The following PSD3 variants were observed in gnomAD, a reference collection of about 807,000 sequenced individuals.
The protein encoded by PSD3 is PH and SEC7 domain-containing protein 3.
Under a neutral mutation model 105.5 loss-of-function variants are expected in PSD3, and 49 were observed. That is an observed-to-expected ratio of 0.46 (90% CI 0.37 to 0.59). The LOEUF is 0.59. PSD3 is among the 20% of genes least tolerant of loss of function. The probability of loss-of-function intolerance (pLI) is 0.00; values close to 1 mark genes in which losing one functional copy is unlikely to be tolerated. For synonymous variants in PSD3, 557 were observed against 457.8 expected (o/e 1.22, Z -2.77); for missense variants, 1,561 against 1,263.8 (o/e 1.24, Z -3.57).
At chr8:18,751,577 GCCA>G (rs1805493299) in intron 9 of PSD3, among the ~76,000 whole-genome samples, 1 of 150,358 alleles carries the variant, frequency 6.7e-6, no homozygotes, top group South Asian at 2.1e-4. Context: ...ACCCGGAGGC[GCCA>G]CCACTAGTCA....
rs1461724775 is a variant in PSD3, at chr8:18,929,259, A to T, written c.130+6775T>A. ...ATAAATTCACAACAGTGCTAAAAAA[A>T]AAAAGAGTATAACCATAGACAAAAT... On this transcript the variant is annotated intron_variant, in intron 2 of 15. Coordinates refer to ENST00000327040, the MANE Select transcript of PSD3 (RefSeq NM_015310.4). Among the ~76,000 whole-genome samples the T allele has an allele frequency of 2.6e-5, 4 of 152,306 alleles. No individual in the cohort carries two copies. In the East Asian group the frequency reaches 7.7e-4, roughly 29 times the overall value.
At chr8:18,919,468 T>C (rs1820846948) in intron 2 of PSD3, among the ~76,000 whole-genome samples, 1 of 152,062 alleles carries the variant, frequency 6.6e-6, no homozygotes, top group East Asian at 1.9e-4. Flanking sequence ...CAATACTAGA[T>C]TTCTGAGTCA....
At chr8:18,754,684 A>G (rs1275033314) in intron 9 of PSD3, among the ~76,000 whole-genome samples, 2 of 152,154 alleles carry the variant, frequency 1.3e-5, no homozygotes, top group Non-Finnish European at 2.9e-5. Context: ...GTCAGTTATT[A>G]ATACATGGAC....
intron 11 of PSD3, among the ~76,000 whole-genome samples, chr8:18,613,343 G>A (rs909272533): frequency 6.6e-6 from 1 of 152,126 alleles, no homozygotes; most frequent in Non-Finnish European, 1.5e-5. Flanking sequence ...ACTGTTTGCA[G>A]GGGGGAGGAG....
chr8:18,584,412 T>C (rs1384275063), intron 12 of PSD3, among the ~76,000 whole-genome samples: 1 of 152,218 alleles, frequency 6.6e-6, no homozygotes, highest in Non-Finnish European at 1.5e-5. Flanking sequence ...TGTTCATATT[T>C]ACTTAAGAAG....
chr8:18,854,418 G>A (rs1815839969), intron 4 of PSD3: 2 of 152,390 alleles, frequency 1.3e-5, no homozygotes, highest in Middle Eastern at 3.4e-3. Context: ...AGTCACTCAT[G>A]ACCTCACAAA....
intron 12 of PSD3, among the ~76,000 whole-genome samples, chr8:18,596,632 G>A (rs1371649516): frequency 6.6e-6 from 1 of 151,880 alleles, no homozygotes; most frequent in Non-Finnish European, 1.5e-5. Flanking sequence ...AATCAGAAAT[G>A]AAACAGGAGG....
chr8:18,602,102 T>A (rs1184409982), intron 11 of PSD3, among the ~76,000 whole-genome samples: 2 of 152,196 alleles, frequency 1.3e-5, no homozygotes, highest in Non-Finnish European at 1.5e-5. Context: ...GAAAATATTT[T>A]TGTTTTTAAC....
At chr8:19,021,813 C>G (rs1355273080) in intron 1 of PSD3, among the ~76,000 whole-genome samples, 2 of 152,204 alleles carry the variant, frequency 1.3e-5, no homozygotes, top group Non-Finnish European at 2.9e-5. Context: ...AGTCCTTAGT[C>G]TAAACTTGAC....
intron 1 of PSD3, among the ~76,000 whole-genome samples, chr8:19,005,962 C>T (rs1826657862): frequency 6.6e-6 from 1 of 151,870 alleles, no homozygotes; most frequent in African/African-American, 2.4e-5. Flanking sequence ...TCTCCATGAG[C>T]CTCAATTTCA....
intron 10 of PSD3, among the ~76,000 whole-genome samples, chr8:18,646,126 A>G (rs2130815731): frequency 6.6e-6 from 1 of 152,304 alleles, no homozygotes; most frequent in East Asian, 1.9e-4. Flanking sequence ...CAAGAGGCAC[A>G]ATAGCAACTT....
intron 6 of PSD3, among the ~76,000 whole-genome samples, chr8:18,803,474 T>G (rs962138995): frequency 1.3e-5 from 2 of 149,590 alleles, no homozygotes; most frequent in African/African-American, 5.0e-5. Flanking sequence ...GAAAACAGGG[T>G]CTTGAAGAAA....
At chr8:18,836,749 C>T (rs138718655) in intron 4 of PSD3, among the ~76,000 whole-genome samples, 9 of 152,044 alleles carry the variant, frequency 5.9e-5, no homozygotes, top group Non-Finnish European at 8.8e-5. Context: ...AATGCAAATG[C>T]TATGACAATA....
At chr8:18,740,711 C>A (rs1045841501) in intron 9 of PSD3, among the ~76,000 whole-genome samples, 3 of 152,120 alleles carry the variant, frequency 2.0e-5, no homozygotes, top group African/African-American at 7.2e-5. Flanking sequence ...GTACTTAAAT[C>A]CCAAAAGTCA....
chr8:19,059,165 C>A (rs1024438284), intron 1 of PSD3, among the ~76,000 whole-genome samples: 1 of 152,156 alleles, frequency 6.6e-6, no homozygotes, highest in Non-Finnish European at 1.5e-5. Flanking sequence ...TCTAAGTCAT[C>A]GGAAAGTCTC....
At chr8:18,790,597 T>C (rs552613568) in intron 8 of PSD3, among the ~76,000 whole-genome samples, 4 of 152,194 alleles carry the variant, frequency 2.6e-5, no homozygotes, top group South Asian at 4.2e-4. Context: ...CCACTACGCC[T>C]GGCCAACATT....
intron 1 of PSD3, among the ~76,000 whole-genome samples, chr8:18,995,197 C>T (rs1307507297): frequency 6.6e-6 from 1 of 152,138 alleles, no homozygotes; most frequent in African/African-American, 2.4e-5. Context: ...TTGCCTATAG[C>T]TCCAAAGCAT....
Position 18,869,190 on chromosome 8 carries a change from CT to C in PSD3, c.1239-1122del, listed in dbSNP as rs10648699. 4.7e-3 allele frequency among the ~76,000 whole-genome samples: 562 copies of C among 119,744 alleles called. 5 individuals carry two copies. Among genetic ancestry groups the C allele is most frequent in the African/African-American group, 0.011 (354 of 30,996 alleles). 78.6% of individuals were successfully genotyped at this position (119,744 alleles called of 152,430 possible). A position where few individuals can be genotyped will look rare whatever the true frequency, so the allele number is the denominator to read the frequency against. On this transcript the variant is annotated intron_variant, in intron 3 of 15. Transcript: ENST00000327040. ...ACTCACTGCACCCCACTCTCCCCTG[CT>C]TTTTTTTTTTTTTTTTGAGATGCAG...
intron 2 of PSD3, among the ~76,000 whole-genome samples, chr8:18,905,410 A>G (rs570284271): frequency 3.0e-4 from 45 of 151,998 alleles, no homozygotes; most frequent in African/African-American, 1.1e-3. Context: ...TGTAACCTCC[A>G]CCTCCCAGGT....
Sources: allele counts gnomAD v4.1 joint callset (sites outside exome capture counted in the v4.1 genomes callset), GRCh38; gene constraint gnomAD v4.1.1; transcripts MANE v1.5; gene names NCBI Gene and HGNC (gene_info 2026-07-23, HGNC 2026-07-21).